The following DOCK4 variants were observed in gnomAD, a reference collection of about 807,000 sequenced individuals.
DOCK4 encodes the protein dedicator of cytokinesis 4.
In DOCK4, 97 loss-of-function variants were observed where a neutral mutation model predicts 268.1. The observed-to-expected ratio is 0.36, with a 90% CI of 0.31 to 0.43. DOCK4 has a LOEUF of 0.43. DOCK4 is among the 20% of genes least tolerant of loss of function. DOCK4 has a pLI of 1.00. For synonymous variants in DOCK4, 954 were observed against 887.2 expected (o/e 1.08, Z -1.34); for missense variants, 2,145 against 2,455.7 (o/e 0.87, Z 2.67).
chr7:111,911,808 GT>G (rs537962837), intron 13 of DOCK4, among the ~76,000 whole-genome samples: 93 of 147,510 alleles, frequency 6.3e-4, no homozygotes, highest in East Asian at 2.6e-3. Context: ...GCTCTAAAAT[GT>G]TTTTTTTTTT....
At chr7:111,840,909 T>A in intron 25 of DOCK4, 4 of 1,198,840 alleles carry the variant, frequency 3.3e-6, no homozygotes, top group Non-Finnish European at 4.5e-6. Context: ...AGATCTTCAG[T>A]CTCCAGAGAA....
chr7:111,728,745 A>G (rs755327981), intron 52 of DOCK4, 25 bp from the exon 53 acceptor site: 21 of 1,578,132 alleles, frequency 1.3e-5, no homozygotes, highest in Non-Finnish European at 1.8e-5. Context: ...AGGAAACGAG[A>G]GGGAGACACA....
At chr7:111,832,318 A>G (rs1044758292) in intron 26 of DOCK4, among the ~76,000 whole-genome samples, 1 of 152,198 alleles carries the variant, frequency 6.6e-6, no homozygotes, top group African/African-American at 2.4e-5. Context: ...GCTCCATAGC[A>G]TCGCGTGCTT....
At chr7:112,162,867 G>A (rs1817255581) in intron 1 of DOCK4, among the ~76,000 whole-genome samples, 1 of 152,056 alleles carries the variant, frequency 6.6e-6, no homozygotes, top group Admixed American at 6.6e-5. Context: ...AACATATAAT[G>A]TTCTCAAGCA....
intron 1 of DOCK4, among the ~76,000 whole-genome samples, chr7:112,104,370 A>G (rs1245272911): frequency 6.6e-6 from 1 of 152,196 alleles, no homozygotes; most frequent in East Asian, 1.9e-4. Flanking sequence ...TTAACCAGCC[A>G]TGCTCTCTCC....
At chr7:111,739,866 A>T in intron 47 of DOCK4, 1 of 311,724 alleles carries the variant, frequency 3.2e-6, no homozygotes. Flanking sequence ...ATTTGGAAAT[A>T]AGTGTTATGT....
At chr7:111,866,123 T>C (rs908024913) in intron 22 of DOCK4, among the ~76,000 whole-genome samples, 1 of 152,200 alleles carries the variant, frequency 6.6e-6, no homozygotes, top group Non-Finnish European at 1.5e-5. Context: ...AAGCTTATGG[T>C]CATTTGTTAC....
chr7:111,849,527 T>C (rs1247120972), intron 23 of DOCK4, among the ~76,000 whole-genome samples: 2 of 152,126 alleles, frequency 1.3e-5, no homozygotes, highest in Non-Finnish European at 2.9e-5. Flanking sequence ...CCTCCCAAAG[T>C]GCTGGGATTA....
At chr7:112,147,713 C>T (rs574850432) in intron 1 of DOCK4, among the ~76,000 whole-genome samples, 1 of 151,480 alleles carries the variant, frequency 6.6e-6, no homozygotes, top group East Asian at 2.0e-4. Flanking sequence ...ACAAAACCTC[C>T]GTACTGAATT....
At chr7:111,837,221 C>A (rs1477005230) in intron 25 of DOCK4, among the ~76,000 whole-genome samples, 1 of 151,780 alleles carries the variant, frequency 6.6e-6, no homozygotes, top group Non-Finnish European at 1.5e-5. Context: ...TGAAAGACAA[C>A]GGAGCAACAG....
rs1332423361 is a variant in DOCK4 at position 111,767,074 on chromosome 7, C to G, written c.3873G>C (p.Gln1291His). The G allele has an allele frequency of 8.7e-6, 14 of 1,613,834 alleles. No homozygotes were observed. The highest frequency in any genetic ancestry group is 1.2e-5 in the Non-Finnish European group (14 of 1,179,808). ...GIILCRKIAE[Q>H]YESYYDYRNL... is the part of the protein sequence containing the mutation. ...TTCTGTAGTCATAATAACTCTCATACTGCTCTGCAATCTTCCGGCACAAGA... is the reference window on the plus strand; with the variant it reads ...TTCTGTAGTCATAATAACTCTCATAGTGCTCTGCAATCTTCCGGCACAAGA... Residue 1291 changes from glutamine (Q) to histidine (H), a missense_variant, in exon 38 of 53, where the codon CAG becomes CAC. Physicochemically the swap from Gln to His is conservative, Grantham distance 24 (BLOSUM62 0). This residue lies in a region of DOCK4 where 1,598 missense variants were observed against 1,986.7 expected (regional missense o/e 0.80). Coordinates refer to ENST00000428084, the MANE Select transcript of DOCK4 (RefSeq NM_001363540.2).
In DOCK4 at chr7:111,730,266, C is replaced by T. The variant is rs567612070; in HGVS notation, c.5482-1546G>A. On this transcript the variant is annotated intron_variant, in intron 52 of 52. Transcript: ENST00000428084. ...TCCTTGTGTATATTCAAAACATATT[C>T]GCATTTTCAAGGCTTAGAATAAAGG... Among the ~76,000 whole-genome samples the T allele has an allele frequency of 7.2e-5, 11 of 152,286 alleles. No homozygotes were observed. The East Asian group carries it at 9.7e-4, about 13-fold the overall frequency.
chr7:112,156,819 C>T (rs1816651438), intron 1 of DOCK4, among the ~76,000 whole-genome samples: 1 of 152,006 alleles, frequency 6.6e-6, no homozygotes, highest in Non-Finnish European at 1.5e-5. Context: ...AGAAAATGGA[C>T]AACCACCTTA....
At chr7:111,843,966 A>G (rs1407425985) in intron 25 of DOCK4, among the ~76,000 whole-genome samples, 3 of 152,168 alleles carry the variant, frequency 2.0e-5, no homozygotes, top group African/African-American at 7.2e-5. Flanking sequence ...AGCCAGCTTC[A>G]AAGCACTTTA....
At chr7:112,113,205 C>G (rs1002606403) in intron 1 of DOCK4, among the ~76,000 whole-genome samples, 1 of 152,108 alleles carries the variant, frequency 6.6e-6, no homozygotes, top group Non-Finnish European at 1.5e-5. Flanking sequence ...GAGATCTGTT[C>G]GTGAGTTCCC....
chr7:112,015,561 G>A (rs1041503564), intron 1 of DOCK4, among the ~76,000 whole-genome samples: 1 of 152,068 alleles, frequency 6.6e-6, no homozygotes, highest in African/African-American at 2.4e-5. Context: ...GTCTGGATCA[G>A]GACCCCTTTC....
chr7:111,935,650 G>A (rs747129700), intron 11 of DOCK4, 22 bp from the exon 12 acceptor site: 1 of 1,591,774 alleles, frequency 6.3e-7, no homozygotes, highest in Non-Finnish European at 8.6e-7. Context: ...TTAACACTCT[G>A]TTAAGCTTTA....
Position 112,018,178 on chromosome 7 carries a change from A to C in DOCK4, c.38-14047T>G, listed in dbSNP as rs543850954. ...AAAAAAAAAAAAAAAAAAAAAAAAA[A>C]AACACAGGCAACCAGTATTCATGTG... On this transcript the variant is annotated intron_variant, in intron 1 of 52. Transcript: ENST00000428084. 8.4e-5 allele frequency among the ~76,000 whole-genome samples: 12 copies of C among 143,372 alleles called. 1 individual carries two copies. Among genetic ancestry groups the C allele is most frequent in the African/African-American group, 1.8e-4 (7 of 38,984 alleles). 94.1% of individuals were successfully genotyped at this position (143,372 alleles called of 152,430 possible). A position where few individuals can be genotyped will look rare whatever the true frequency, so the allele number is the denominator to read the frequency against.
chr7:111,831,741 C>T (rs1802826773), intron 26 of DOCK4, among the ~76,000 whole-genome samples: 1 of 152,104 alleles, frequency 6.6e-6, no homozygotes, highest in African/African-American at 2.4e-5. Context: ...CCTGCCTTGG[C>T]CTCCCAAAGT....
Sources: gnomAD v4.1 joint callset for allele counts (sites outside exome capture counted in the v4.1 genomes callset) on GRCh38, gnomAD v4.1.1 for gene constraint, gnomAD v4.1.1 regional missense constraint, MANE v1.5 for transcripts, NCBI Gene and HGNC (gene_info 2026-07-23, HGNC 2026-07-21) for gene names.